The following BRIP1 variants were observed in gnomAD, a reference collection of about 807,000 sequenced individuals.
BRIP1 encodes Fanconi anemia group J protein.
In BRIP1, 88 loss-of-function variants were observed where a neutral mutation model predicts 119.7. The observed-to-expected ratio is 0.74, with a 90% confidence interval of 0.62 to 0.88. The LOEUF (loss-of-function observed/expected upper bound fraction) is 0.88. Ranked by LOEUF, BRIP1 falls within the 40% of genes least tolerant of loss-of-function variation. The pLI is 0.00. For synonymous variants in BRIP1, 443 were observed against 496.5 expected (o/e 0.89, Z 1.43); for missense variants, 1,259 against 1,455.4 (o/e 0.87, Z 2.20).
At chr17:61,765,413 ATATATATATATTTTTTTTTTTTTTTT>A (rs2077352771) in intron 14 of BRIP1, among the ~76,000 whole-genome samples, 1 of 14,262 alleles carries the variant, frequency 7.0e-5, no homozygotes, top group African/African-American at 3.7e-4. Context: ...ATATATATAT[ATATATATATATTTTTTTTTTTTTTTT>A]TTTTTTTTTT....
rs766718772 is a variant in BRIP1, at chr17:61,709,296, C to CCT, written c.2492+6653_2492+6654dup. Among the ~76,000 whole-genome samples, 115 of 152,034 alleles carry CCT rather than the reference C, an allele frequency of 7.6e-4. No individual in the cohort carries two copies. The highest frequency in any genetic ancestry group is 1.2e-3 in the Non-Finnish European group (80 of 68,000). ...TGATATCGCTTGTCTGTCACTGTCT[C>CCT]CTCTCTCTCTTTGTAATATTGTAGG... On this transcript the variant is annotated intron_variant, in intron 17 of 19. Transcript: ENST00000259008. The surrounding 1 kb of genome is among the most constrained non-coding windows in gnomAD (Gnocchi z 5.0).
chr17:61,776,557 C>A lies in BRIP1; in HGVS notation c.1941G>T (p.Trp647Cys), dbSNP rs786202760. 6.2e-7 allele frequency: 1 copy of A among 1,613,870 alleles called. No individual in the cohort carries two copies. The highest frequency in any genetic ancestry group is 8.5e-7 in the Non-Finnish European group (1 of 1,179,840). ...TGGGGCCTGACCCAATGGTACCAAC[C>A]CAAACCTAGAATATGAATATGTCAT... is the stretch of plus-strand genomic sequence containing the variant. ...ANHIIKNSQV[W>C]VGTIGSGPKG... Residue 647 changes from tryptophan to cysteine, a missense_variant, in exon 14 of 20, where the codon TGG becomes TGT. Coordinates refer to ENST00000259008, the MANE Select transcript of BRIP1 (RefSeq NM_032043.3). The surrounding 1 kb of genome is among the most constrained non-coding windows in gnomAD (Gnocchi z 5.0).
rs2078917593 is a variant in BRIP1 at position 61,857,691 on chromosome 17, T to C, written c.206-460A>G. On this transcript the variant is annotated intron_variant, in intron 3 of 19. Coordinates refer to ENST00000259008, the MANE Select transcript of BRIP1 (RefSeq NM_032043.3). This position sits in a 1 kb window ranked among gnomAD's most constrained non-coding sequence, Gnocchi z 5.1. ...ATGAGCAGAGGTCATGCCACTGCACTCCAGCCTAGGCGACAGAGCAAGACT... is the reference window on the plus strand; with the variant it reads ...ATGAGCAGAGGTCATGCCACTGCACCCCAGCCTAGGCGACAGAGCAAGACT... Among the ~76,000 whole-genome samples the C allele has an allele frequency of 6.6e-6, 1 of 152,110 alleles. No homozygotes were observed. The highest frequency in any genetic ancestry group is 1.5e-5 in the Non-Finnish European group (1 of 68,024).
Position 61,847,617 on chromosome 17 carries a change from A to G in BRIP1, c.508-397T>C, listed in dbSNP as rs567355248. Reference sequence around the variant, plus strand: ...TAATTCTACATTGAAAAGAACTCAGAATAAAACTTTTAATGTAAACAGTCA... The same window carrying G: ...TAATTCTACATTGAAAAGAACTCAGGATAAAACTTTTAATGTAAACAGTCA... On this transcript the variant is annotated intron_variant, in intron 5 of 19. Coordinates refer to ENST00000259008, the MANE Select transcript of BRIP1 (RefSeq NM_032043.3). Among the ~76,000 whole-genome samples the G allele has an allele frequency of 8.6e-4, 131 of 152,328 alleles. 2 individuals are homozygous for G. Among genetic ancestry groups the G allele is most frequent in the East Asian group, 6.0e-3 (31 of 5,188 alleles).
In BRIP1 at chr17:61,801,449, C is replaced by A. The variant is rs867548960; in HGVS notation, c.944G>T (p.Gly315Val). Reference protein sequence around the residue: ...KNGKSCYFYHGVHKISDQHTL... With the variant: ...KNGKSCYFYHVVHKISDQHTL... ...GTGCTGATCACTAATTTTATGAACT[C>A]CATGATAAAAATAGCAGGATTTTCC... The change falls in exon 8 of 20, where the codon GGA becomes GTA. Residue 315 changes from glycine to valine, a missense_variant. By Grantham distance (109) the Gly-to-Val change is moderately radical. Transcript: ENST00000259008. The A allele has an allele frequency of 6.2e-7, 1 of 1,612,944 alleles. No homozygotes were observed. The highest frequency in any genetic ancestry group is 1.1e-5 in the South Asian group (1 of 91,038).
chr17:61,856,649 T>C lies in BRIP1; in HGVS notation c.379+409A>G, dbSNP rs570626652. Among the ~76,000 whole-genome samples, 5 of 152,178 alleles carry C rather than the reference T, an allele frequency of 3.3e-5. No homozygotes were observed. The highest frequency in any genetic ancestry group is 7.4e-5 in the Non-Finnish European group (5 of 68,016). On this transcript the variant is annotated intron_variant, in intron 4 of 19. Transcript: ENST00000259008. The surrounding 1 kb of genome is among the most constrained non-coding windows in gnomAD (Gnocchi z 5.1). ...CACACATAAACATACCTGATACTTATGTAGGATACTGGCCTCAGAAGGCCA... is the reference window on the plus strand; with the variant it reads ...CACACATAAACATACCTGATACTTACGTAGGATACTGGCCTCAGAAGGCCA...
In BRIP1 at chr17:61,824,110, C is replaced by T. The variant is rs1486346201; in HGVS notation, c.628-15353G>A. On this transcript the variant is annotated intron_variant, in intron 6 of 19. Transcript: ENST00000259008. This position sits in a 1 kb window ranked among gnomAD's most constrained non-coding sequence, Gnocchi z 4.3. ...GATTACAGGCATGAGCCACCATGCC[C>T]GGCCTAAGATAGAATTTTTAAAGCA... Among the ~76,000 whole-genome samples, 1 of 152,124 alleles carries T rather than the reference C, an allele frequency of 6.6e-6. No homozygotes were observed. The highest frequency in any genetic ancestry group is 1.5e-5 in the Non-Finnish European group (1 of 68,024).
rs3034621 is a variant in BRIP1, at chr17:61,746,336, GATA to G, written c.2098-1748_2098-1746del. ...TTAGACAGAAAACAATTATTGAAAT[GATA>G]ATAATGTCTTTCCCTATCGGTCATT... On this transcript the variant is annotated intron_variant, in intron 14 of 19. Coordinates refer to ENST00000259008, the MANE Select transcript of BRIP1 (RefSeq NM_032043.3). The surrounding 1 kb of genome is among the most constrained non-coding windows in gnomAD (Gnocchi z 4.9). 0.76 allele frequency among the ~76,000 whole-genome samples: 115,322 copies of G among 151,688 alleles called. 44,388 individuals carry two copies. The highest frequency in any genetic ancestry group is 0.82 in the Middle Eastern group (238 of 292).
At position 61,803,838 on chromosome 17, in the gene BRIP1, C is replaced by A. The variant is rs1022483898; in HGVS notation, c.919-2364G>T. Among the ~76,000 whole-genome samples the A allele has an allele frequency of 6.6e-6, 1 of 151,968 alleles. No individual in the cohort carries two copies. The highest frequency in any genetic ancestry group is 1.5e-5 in the Non-Finnish European group (1 of 67,996). On this transcript the variant is annotated intron_variant, in intron 7 of 19. Coordinates refer to ENST00000259008, the MANE Select transcript of BRIP1 (RefSeq NM_032043.3). The surrounding 1 kb of genome is among the most constrained non-coding windows in gnomAD (Gnocchi z 4.3). ...TTTACCATTAATGTGAATAGATGTA[C>A]CCTGTACTGTTAAATAGCCAAAAAA...
chr17:61,743,844 A>T lies in BRIP1; in HGVS notation c.2257+588T>A, dbSNP rs1032350901. ...TTGGAACTATAGGCACATGCACCACACCCTGCTAATGTTTGTACTTTTTGT... is the reference window on the plus strand; with the variant it reads ...TTGGAACTATAGGCACATGCACCACTCCCTGCTAATGTTTGTACTTTTTGT... On this transcript the variant is annotated intron_variant, in intron 15 of 19. Transcript: ENST00000259008. The surrounding 1 kb of genome is among the most constrained non-coding windows in gnomAD (Gnocchi z 4.3). Among the ~76,000 whole-genome samples, 4 of 151,598 alleles carry T rather than the reference A, an allele frequency of 2.6e-5. No homozygotes were observed. Among genetic ancestry groups the T allele is most frequent in the African/African-American group, 9.7e-5 (4 of 41,232 alleles).
chr17:61,772,644 C>T lies in BRIP1; in HGVS notation c.2097+3757G>A, dbSNP rs543579289. On this transcript the variant is annotated intron_variant, in intron 14 of 19. Coordinates refer to ENST00000259008, the MANE Select transcript of BRIP1 (RefSeq NM_032043.3). ...GACCAGCCTGACCAACCTGGAGAAA[C>T]CCCATCTCTACTAAAAATACAAAAT... Among the ~76,000 whole-genome samples the T allele has an allele frequency of 7.2e-5, 11 of 151,882 alleles. 1 individual carries two copies. The South Asian group carries it at 2.3e-3, about 32-fold the overall frequency.
chr17:61,833,986 T>A (rs1268703761), intron 6 of BRIP1, among the ~76,000 whole-genome samples: 1 of 152,218 alleles, frequency 6.6e-6, no homozygotes, highest in African/African-American at 2.4e-5. Flanking sequence ...TCAACTTTAC[T>A]GTTATAACGC....
intron 6 of BRIP1, among the ~76,000 whole-genome samples, chr17:61,838,831 G>A (rs926406872): frequency 4.0e-5 from 6 of 151,610 alleles, no homozygotes; most frequent in African/African-American, 1.5e-4. Flanking sequence ...TCTAATATAT[G>A]GACTACTTTT....
In BRIP1 at chr17:61,681,228, T is replaced by C. The variant is rs2144051994; in HGVS notation, c.*2068A>G. The C allele has an allele frequency of 5.0e-6, 1 of 201,768 alleles. No individual in the cohort carries two copies. Among genetic ancestry groups the C allele is most frequent in the African/African-American group, 2.3e-5 (1 of 43,598 alleles). The allele number at this position is 201,768 out of a possible 1,614,324, so 12.5% of individuals were successfully genotyped here. On this transcript the variant is annotated 3_prime_UTR_variant, in exon 20 of 20. Coordinates refer to ENST00000259008, the MANE Select transcript of BRIP1 (RefSeq NM_032043.3). The surrounding 1 kb of genome is among the most constrained non-coding windows in gnomAD (Gnocchi z 5.1). Reference sequence around the variant, plus strand: ...TGGCTGGGGACATAGCCAAACCACGTCACCATCGTTCCCTAAATGTAAATG... The same window carrying C: ...TGGCTGGGGACATAGCCAAACCACGCCACCATCGTTCCCTAAATGTAAATG...
intron 10 of BRIP1, among the ~76,000 whole-genome samples, chr17:61,791,251 G>A (rs1448634962): frequency 6.6e-6 from 1 of 151,906 alleles, no homozygotes; most frequent in African/African-American, 2.4e-5. Context: ...CACTTTGGGA[G>A]GCCAAGGCAG....
chr17:61,760,089 TC>T lies in BRIP1; in HGVS notation c.2098-15499del. ...TTTAAGTTTGTTATCATATCAAGTA[TC>T]TTTGCTGGCCACAATGGTATAAAAC... is the stretch of plus-strand genomic sequence containing the variant. On this transcript the variant is annotated intron_variant, in intron 14 of 19. Transcript: ENST00000259008. This position sits in a 1 kb window ranked among gnomAD's most constrained non-coding sequence, Gnocchi z 4.6. Among the ~76,000 whole-genome samples, 1 of 152,088 alleles carries T rather than the reference TC, an allele frequency of 6.6e-6. No individual in the cohort carries two copies. The highest frequency in any genetic ancestry group is 1.9e-4 in the East Asian group (1 of 5,184).
In BRIP1 at chr17:61,810,316, T is replaced by C. The variant is rs893736113; in HGVS notation, c.628-1559A>G. Among the ~76,000 whole-genome samples the C allele has an allele frequency of 1.1e-4, 16 of 152,234 alleles. 1 individual carries two copies. The highest frequency in any genetic ancestry group is 1.5e-4 in the Non-Finnish European group (10 of 68,026). On this transcript the variant is annotated intron_variant, in intron 6 of 19. Coordinates refer to ENST00000259008, the MANE Select transcript of BRIP1 (RefSeq NM_032043.3). This position sits in a 1 kb window ranked among gnomAD's most constrained non-coding sequence, Gnocchi z 4.7. ...TGACATGTGGTTTATGTTACATATGTTGCAATATCCAACAATTTACGGTCA... is the reference window on the plus strand; with the variant it reads ...TGACATGTGGTTTATGTTACATATGCTGCAATATCCAACAATTTACGGTCA...
intron 14 of BRIP1, among the ~76,000 whole-genome samples, chr17:61,763,206 C>T (rs143137301): frequency 2.3e-4 from 35 of 152,192 alleles, no homozygotes; most frequent in African/African-American, 7.5e-4. Context: ...CTAATGTCCT[C>T]CAGATTCATC....
At chr17:61,685,811 G>A (rs756472345) in intron 19 of BRIP1, 25 bp downstream of exon 19, 1 of 1,556,566 alleles carries the variant, frequency 6.4e-7, no homozygotes, top group African/African-American at 1.4e-5. Context: ...CTCTATCAAA[G>A]GTAAATGGGA....
Sources: allele counts gnomAD v4.1 joint callset (sites outside exome capture counted in the v4.1 genomes callset), GRCh38; gene constraint gnomAD v4.1.1; non-coding constraint Gnocchi (gnomAD v3.1); transcripts MANE v1.5; gene names NCBI Gene and HGNC (gene_info 2026-07-23, HGNC 2026-07-21).